ZNF837: variants seen among roughly 807,000 people sequenced by gnomAD.
ZNF837 encodes zinc finger protein 837.
For synonymous variants in ZNF837, 475 were observed against 365.2 expected (o/e 1.30, Z -3.43); for missense variants, 955 against 801.7 (o/e 1.19, Z -2.31).
At chr19:58,373,042 C>T (rs2052214876) in intron 1 of ZNF837, among the ~76,000 whole-genome samples, 1 of 152,188 alleles carries the variant, frequency 6.6e-6, no homozygotes, top group Non-Finnish European at 1.5e-5. Context: ...GTTTCTCAGC[C>T]TCACTTGTCA....
Position 58,369,084 on chromosome 19 carries a change from C to A in ZNF837, c.249G>T (p.Gly83=). The change falls in exon 3 of 3, where the codon GGG becomes GGT. Residue 83 remains glycine (G), a synonymous_variant. Coordinates refer to ENST00000597582, the MANE Select transcript of ZNF837 (RefSeq NM_138466.2). ...ACGGCTCCCGCACGAGGGGTCTGGT[C>A]CCGGCGCTGTGCCGGGTCCCCGGGC... is the stretch of plus-strand genomic sequence containing the variant. The part of the protein sequence containing the change: ...SPGPGTRHSA[G]TRPLVREPCG... 2.0e-6 allele frequency: 3 copies of A among 1,516,336 alleles called. No individual in the cohort carries two copies. Among genetic ancestry groups the A allele is most frequent in the African/African-American group, 1.4e-5 (1 of 71,376 alleles). The allele number at this position is 1,516,336 out of a possible 1,614,324, so 93.9% of individuals were successfully genotyped here.
chr19:58,368,865 G>T lies in ZNF837; in HGVS notation c.468C>A (p.Pro156=). 2 of 1,547,696 alleles carry T rather than the reference G, an allele frequency of 1.3e-6. No homozygotes were observed. The highest frequency in any genetic ancestry group is 8.7e-7 in the Non-Finnish European group (1 of 1,146,690). ...DPCPERIQNH[P]RTQLCEVHTD... ...TGTGGACCTCACACAGTTGAGTCCG[G>T]GGGTGGTTCTGGATCCGCTCCGGAC... The change falls in exon 3 of 3, where the codon CCC becomes CCA. Residue 156 remains proline (P), a synonymous_variant. Transcript: ENST00000597582.
chr19:58,367,624 G>C lies in ZNF837; in HGVS notation c.*113C>G, dbSNP rs936758380. The C allele has an allele frequency of 7.4e-7, 1 of 1,358,136 alleles. No individual in the cohort carries two copies. Among genetic ancestry groups the C allele is most frequent in the Non-Finnish European group, 9.7e-7 (1 of 1,035,266 alleles). The allele number at this position is 1,358,136 out of a possible 1,614,324, so 84.1% of individuals were successfully genotyped here. A position where few individuals can be genotyped will look rare whatever the true frequency, so the allele number is the denominator to read the frequency against. ...TAGGGGAAGCCTGTGGACGCCATGT[G>C]TACAAAGTGAAGTTTAATCAAAGTT... On this transcript the variant is annotated 3_prime_UTR_variant, in exon 3 of 3. Transcript: ENST00000597582.
In ZNF837 at chr19:58,369,309, A is replaced by T; in HGVS notation, c.24T>A (p.Ala8=). 7.3e-7 allele frequency: 1 copy of T among 1,378,068 alleles called. No homozygotes were observed. The highest frequency in any genetic ancestry group is 9.3e-7 in the Non-Finnish European group (1 of 1,071,526). 85.4% of individuals were successfully genotyped at this position (1,378,068 alleles called of 1,614,324 possible). A position where few individuals can be genotyped will look rare whatever the true frequency, so the allele number is the denominator to read the frequency against. MEAPAQK[A]GQGGLPKADA... is the part of the protein sequence containing the mutation. ...CGGCCTTGGGGAGTCCTCCCTGCCC[A>T]GCCTTCTGGGCTGGAGCCTCCATCC... Residue 8 remains alanine (A), a synonymous_variant, in exon 3 of 3, where the codon GCT becomes GCA. Transcript: ENST00000597582.
chr19:58,370,104 C>T (rs2052186209), intron 1 of ZNF837, among the ~76,000 whole-genome samples, 176 bp from the exon 2 acceptor site: 1 of 152,184 alleles, frequency 6.6e-6, no homozygotes, highest in Non-Finnish European at 1.5e-5. Context: ...CAAACTGCCA[C>T]CCCATAGTGG....
chr19:58,369,955 G>T (rs1345669047), intron 1 of ZNF837, 27 bp from the exon 2 acceptor site: 1 of 152,226 alleles, frequency 6.6e-6, no homozygotes, highest in African/African-American at 2.4e-5. Flanking sequence ...ATAACGGTAA[G>T]TATAACCAGC....
At position 58,367,766 on chromosome 19, in the gene ZNF837, T is replaced by G; in HGVS notation, c.1567A>C (p.Lys523Gln). 1 of 1,534,426 alleles carries G rather than the reference T, an allele frequency of 6.5e-7. No homozygotes were observed. Among genetic ancestry groups the G allele is most frequent in the Non-Finnish European group, 8.7e-7 (1 of 1,145,448 alleles). ...GGCGCGGCGCGGCCCCCGTGCCGCT[T>G]CCGGTGCTCGTTGAGGTTGGAGCGT... ...SQRSNLNEHR[K>Q]RHGGRAAP Residue 523 changes from lysine to glutamine, a missense_variant, in exon 3 of 3, where the codon AAG becomes CAG. By Grantham distance (53) the Lys-to-Gln change is moderately conservative (BLOSUM62 1). Transcript: ENST00000597582.
At chr19:58,370,342 A>C (rs2052188499) in intron 1 of ZNF837, among the ~76,000 whole-genome samples, 1 of 152,188 alleles carries the variant, frequency 6.6e-6, no homozygotes, top group South Asian at 2.1e-4. Context: ...TACTCCTTAT[A>C]GGATTCTGAC....
intron 1 of ZNF837, among the ~76,000 whole-genome samples, chr19:58,372,950 C>A (rs1248626012): frequency 9.9e-5 from 15 of 152,198 alleles, no homozygotes. Context: ...GCCAAGGGTT[C>A]AGCAAGTACC....
chr19:58,375,852 T>C (rs1186538289), intron 1 of ZNF837, among the ~76,000 whole-genome samples: 2 of 151,932 alleles, frequency 1.3e-5, no homozygotes, highest in African/African-American at 4.8e-5. Flanking sequence ...CAGGATGTCA[T>C]TTGAGCCCTG....
chr19:58,367,968 G>C lies in ZNF837; in HGVS notation c.1365C>G (p.Thr455=), dbSNP rs766501740. 1.2e-5 allele frequency: 19 copies of C among 1,532,700 alleles called. No individual in the cohort carries two copies. Among genetic ancestry groups the C allele is most frequent in the Non-Finnish European group, 1.7e-6 (2 of 1,144,032 alleles). The allele number at this position is 1,532,700 out of a possible 1,614,324, so 94.9% of individuals were successfully genotyped here. Residue 455 remains threonine (T), a synonymous_variant, in exon 3 of 3, where the codon ACC becomes ACG. Transcript: ENST00000597582. ...RPYGCSECGK[T]FRGCSELRQH... ...GGCGCAGCTCGGAGCAGCCGCGGAA[G>C]GTCTTTCCGCACTCGGAGCAGCCAT...
chr19:58,368,594 G>T lies in ZNF837; in HGVS notation c.739C>A (p.Pro247Thr). 6.5e-7 allele frequency: 1 copy of T among 1,535,602 alleles called. No homozygotes were observed. The highest frequency in any genetic ancestry group is 8.7e-7 in the Non-Finnish European group (1 of 1,144,946). The change falls in exon 3 of 3, where the codon CCA (proline) becomes ACA (threonine). Residue 247 changes from proline (P) to threonine (T), a missense_variant. Physicochemically the swap from Pro to Thr is conservative, Grantham distance 38. Coordinates refer to ENST00000597582, the MANE Select transcript of ZNF837 (RefSeq NM_138466.2). Reference sequence around the variant, plus strand: ...GTTTGGCCGCACTCAGGACACACTGGGGGACTCTTGCCCGCCTGCTGCTGC... The same window carrying T: ...GTTTGGCCGCACTCAGGACACACTGTGGGACTCTTGCCCGCCTGCTGCTGC... ...NQQQQAGKSP[P>T]VCPECGQTSR...
intron 1 of ZNF837, among the ~76,000 whole-genome samples, chr19:58,371,639 C>T (rs1388961620): frequency 6.6e-6 from 1 of 152,212 alleles, no homozygotes. Flanking sequence ...CACTGCTTCA[C>T]TCGGCACAGG....
At chr19:58,377,833 C>T (rs531059338) in intron 1 of ZNF837, among the ~76,000 whole-genome samples, 7 of 152,296 alleles carry the variant, frequency 4.6e-5, no homozygotes, top group African/African-American at 1.7e-4. Context: ...GTCTGTCTGA[C>T]CATGGAGCTC....
At chr19:58,370,573 C>T (rs2052190992) in intron 1 of ZNF837, among the ~76,000 whole-genome samples, 1 of 152,016 alleles carries the variant, frequency 6.6e-6, no homozygotes, top group Non-Finnish European at 1.5e-5. Context: ...AAATATTCAT[C>T]TCCTAAGCAA....
intron 1 of ZNF837, among the ~76,000 whole-genome samples, chr19:58,373,109 G>T (rs1002886088): frequency 1.3e-5 from 2 of 152,202 alleles, no homozygotes; most frequent in South Asian, 4.1e-4. Context: ...GACAGGAAAG[G>T]TGAGGCTGCC....
chr19:58,369,175 G>A lies in ZNF837; in HGVS notation c.158C>T (p.Ala53Val), dbSNP rs2052177039. 2.1e-6 allele frequency: 3 copies of A among 1,451,544 alleles called. No homozygotes were observed. Among genetic ancestry groups the A allele is most frequent in the Non-Finnish European group, 1.8e-6 (2 of 1,102,834 alleles). 89.9% of individuals were successfully genotyped at this position (1,451,544 alleles called of 1,614,324 possible). ...RPTQKGDLRG[A>V]AGGRTTPPGG... ...TGGGGGAGTCGTCCTACCGCCCGCC[G>A]CTCCACGCAGGTCCCCCTTTTGAGT... Residue 53 changes from alanine (A) to valine (V), a missense_variant, in exon 3 of 3, where the codon GCG becomes GTG. Physicochemically the swap from Ala to Val is moderately conservative, Grantham distance 64. Transcript: ENST00000597582.
rs549349574 is a variant in ZNF837, at chr19:58,369,056, C to G, written c.277G>C (p.Gly93Arg). 3.1e-5 allele frequency: 47 copies of G among 1,517,916 alleles called. No individual in the cohort carries two copies. The South Asian group carries it at 4.5e-4, about 15-fold the overall frequency. The allele number at this position is 1,517,916 out of a possible 1,614,324, so 94.0% of individuals were successfully genotyped here. Residue 93 changes from glycine to arginine, a missense_variant, in exon 3 of 3, where the codon GGC becomes CGC. Transcript: ENST00000597582. ...GTRPLVREPC[G>R]PTSSQNPELV... ...TCAGGGTTCTGAGAAGAGGTGGGGC[C>G]GCACGGCTCCCGCACGAGGGGTCTG... is the stretch of plus-strand genomic sequence containing the variant.
Position 58,368,305 on chromosome 19 carries a change from G to T in ZNF837, c.1028C>A (p.Pro343His). The change falls in exon 3 of 3, where the codon CCC becomes CAC. Residue 343 changes from proline (P) to histidine (H), a missense_variant. By Grantham distance (77) the Pro-to-His change is moderately conservative. Coordinates refer to ENST00000597582, the MANE Select transcript of ZNF837 (RefSeq NM_138466.2). ...ACTCCGCTCGCTGTAGTCCCCGCAG[G>T]GCGGGCACCCCAGCCGGAAGGCGCG... ...ARRAFRLGCP[P>H]CGDYSERSPR... 1 of 1,486,220 alleles carries T rather than the reference G, an allele frequency of 6.7e-7. No homozygotes were observed. Among genetic ancestry groups the T allele is most frequent in the Non-Finnish European group, 8.9e-7 (1 of 1,127,734 alleles). 92.1% of individuals were successfully genotyped at this position (1,486,220 alleles called of 1,614,324 possible).
Sources: gnomAD v4.1 joint callset for allele counts (sites outside exome capture counted in the v4.1 genomes callset) on GRCh38, gnomAD v4.1.1 for gene constraint, MANE v1.5 for transcripts, NCBI Gene and HGNC (gene_info 2026-07-23, HGNC 2026-07-21) for gene names.